TTC7B: variants seen among roughly 807,000 people sequenced by gnomAD.
TTC7B encodes the protein tetratricopeptide repeat domain 7B.
TTC7B carries 28 observed loss-of-function variants against 106.8 expected under a neutral mutation model. The observed-to-expected ratio is 0.26, with a 90% CI of 0.19 to 0.36. The LOEUF (loss-of-function observed/expected upper bound fraction) is 0.36, where lower values mean the gene tolerates loss of function less well. TTC7B is among the 10% of genes least tolerant of loss of function. The pLI is 1.00. For missense variants in TTC7B, 862 were observed against 1,076.4 expected (o/e 0.80, Z 2.79); for synonymous variants, 405 against 430.6 (o/e 0.94, Z 0.74).
chr14:90,744,689 C>T (rs1186996771), intron 4 of TTC7B, 103 bp downstream of exon 4: 1 of 1,231,644 alleles, frequency 8.1e-7, no homozygotes, highest in East Asian at 2.3e-5. Context: ...GCTTTGCACA[C>T]AGAGACAGAC....
intron 3 of TTC7B, among the ~76,000 whole-genome samples, chr14:90,771,802 G>GTGTGTGTGCACGTGTT (rs1566879861): frequency 6.6e-6 from 1 of 150,892 alleles, no homozygotes; most frequent in Non-Finnish European, 1.5e-5. Flanking sequence ...GTGCACGTGT[G>GTGTGTGTGCACGTGTT]TGTGTGTAAC....
rs193267639 is a variant in TTC7B at position 90,774,041 on chromosome 14, A to G, written c.445+6697T>C. Reference sequence around the variant, plus strand: ...ATTCAGAGGAGCCACTGCTGTGGACATCTGTCATGGACACTGGACACTGCC... The same window carrying G: ...ATTCAGAGGAGCCACTGCTGTGGACGTCTGTCATGGACACTGGACACTGCC... On this transcript the variant is annotated intron_variant, in intron 3 of 19. Coordinates refer to ENST00000328459, the MANE Select transcript of TTC7B (RefSeq NM_001010854.2). Among the ~76,000 whole-genome samples the G allele has an allele frequency of 9.9e-3, 1,515 of 152,336 alleles. 12 individuals carry two copies. Among genetic ancestry groups the G allele is most frequent in the Non-Finnish European group, 0.014 (919 of 68,030 alleles).
intron 19 of TTC7B, among the ~76,000 whole-genome samples, chr14:90,549,209 G>A (rs1303286796): frequency 1.3e-5 from 2 of 152,186 alleles, no homozygotes; most frequent in Non-Finnish European, 2.9e-5. Context: ...AACCTCACTG[G>A]TGGAGTGGGA....
At chr14:90,584,619 G>A (rs576430598) in intron 18 of TTC7B, among the ~76,000 whole-genome samples, 2 of 152,232 alleles carry the variant, frequency 1.3e-5, no homozygotes, top group East Asian at 3.9e-4. Context: ...AGTCTAGGCT[G>A]GAGGCAGCCC....
At chr14:90,627,872 C>T (rs749301945) in intron 15 of TTC7B, among the ~76,000 whole-genome samples, 5 of 152,204 alleles carry the variant, frequency 3.3e-5, no homozygotes, top group Non-Finnish European at 5.9e-5. Context: ...AGATTGGCAT[C>T]CAGGAGCCGG....
chr14:90,540,430 A>T lies in TTC7B; in HGVS notation c.*938T>A, dbSNP rs1177183863. The T allele has an allele frequency of 6.6e-6, 1 of 152,382 alleles. No individual in the cohort carries two copies. Among genetic ancestry groups the T allele is most frequent in the Non-Finnish European group, 1.5e-5 (1 of 68,106 alleles). 9.4% of individuals were successfully genotyped at this position (152,382 alleles called of 1,614,324 possible). On this transcript the variant is annotated 3_prime_UTR_variant, in exon 20 of 20. Coordinates refer to ENST00000328459, the MANE Select transcript of TTC7B (RefSeq NM_001010854.2). Reference sequence around the variant, plus strand: ...GAAACAGAGTGAGACCCTGTCTCCAAAAAATAAAAATAAAATAAGTGGGGA... The same window carrying T: ...GAAACAGAGTGAGACCCTGTCTCCATAAAATAAAAATAAAATAAGTGGGGA...
At chr14:90,707,943 G>A (rs1308895776) in intron 5 of TTC7B, among the ~76,000 whole-genome samples, 4 of 152,010 alleles carry the variant, frequency 2.6e-5, no homozygotes, top group South Asian at 2.1e-4. Flanking sequence ...TTAGGAGCTC[G>A]AGACCAGCCT....
At chr14:90,761,061 C>A (rs1463440002) in intron 3 of TTC7B, among the ~76,000 whole-genome samples, 1 of 152,222 alleles carries the variant, frequency 6.6e-6, no homozygotes, top group African/African-American at 2.4e-5. Flanking sequence ...CAACCCCTAT[C>A]TTGCCATTAA....
chr14:90,688,804 A>C (rs1887352382), intron 7 of TTC7B, among the ~76,000 whole-genome samples: 1 of 152,010 alleles, frequency 6.6e-6, no homozygotes, highest in Non-Finnish European at 1.5e-5. Context: ...ATCTCAAAAA[A>C]ATAAAAAATA....
At chr14:90,789,692 C>G (rs546428991) in intron 1 of TTC7B, among the ~76,000 whole-genome samples, 1 of 151,996 alleles carries the variant, frequency 6.6e-6, no homozygotes, top group Admixed American at 6.6e-5. Context: ...GTCAGGAGAT[C>G]AAGACCATCC....
intron 19 of TTC7B, among the ~76,000 whole-genome samples, chr14:90,554,982 T>C (rs1595154238): frequency 6.6e-6 from 1 of 151,388 alleles, no homozygotes; most frequent in Admixed American, 6.6e-5. Flanking sequence ...GCCTGGGAGG[T>C]TGTAGTGGTG....
chr14:90,704,543 TCCTATGACGCAAAACAAAGGCATC>T (rs1334944203), intron 5 of TTC7B, among the ~76,000 whole-genome samples: 2 of 152,090 alleles, frequency 1.3e-5, no homozygotes, highest in African/African-American at 4.8e-5. Context: ...TGTGACTACC[TCCTATGACGCAAAACAAAGGCATC>T]CCAGGGACAG....
At chr14:90,666,815 T>C (rs1437245491) in intron 9 of TTC7B, among the ~76,000 whole-genome samples, 2 of 151,904 alleles carry the variant, frequency 1.3e-5, no homozygotes, top group African/African-American at 2.4e-5. Context: ...AGGAGTAGAG[T>C]GGGTTGTTTT....
intron 3 of TTC7B, among the ~76,000 whole-genome samples, chr14:90,762,655 G>A (rs889674841): frequency 1.3e-5 from 2 of 152,134 alleles, no homozygotes; most frequent in Non-Finnish European, 2.9e-5. Flanking sequence ...CATGTATCGG[G>A]TTTGCTCTAT....
intron 18 of TTC7B, among the ~76,000 whole-genome samples, chr14:90,583,814 T>A (rs1366744856): frequency 2.0e-5 from 3 of 152,208 alleles, no homozygotes; most frequent in African/African-American, 4.8e-5. Context: ...TGGGTTACTA[T>A]GAAAAATGTG....
At chr14:90,603,067 C>T (rs549011749) in intron 17 of TTC7B, among the ~76,000 whole-genome samples, 7 of 152,286 alleles carry the variant, frequency 4.6e-5, no homozygotes, top group East Asian at 1.9e-4. Context: ...ACCCAAGCTG[C>T]GCTGAATGCA....
chr14:90,588,623 C>T (rs1891817942), intron 18 of TTC7B, among the ~76,000 whole-genome samples: 1 of 152,204 alleles, frequency 6.6e-6, no homozygotes, highest in African/African-American at 2.4e-5. Context: ...TGGGGCTCTC[C>T]TGACTTCTGC....
At chr14:90,810,576 A>G (rs1430853249) in intron 1 of TTC7B, among the ~76,000 whole-genome samples, 1 of 152,230 alleles carries the variant, frequency 6.6e-6, no homozygotes, top group Non-Finnish European at 1.5e-5. Flanking sequence ...TTAAAAGTGT[A>G]TTAGCCCTTC....
intron 17 of TTC7B, among the ~76,000 whole-genome samples, chr14:90,610,256 G>A (rs557256350): frequency 6.6e-6 from 1 of 152,364 alleles, no homozygotes; most frequent in Non-Finnish European, 1.5e-5. Flanking sequence ...ACACGACGAG[G>A]TGTGCAGATT....
Sources: gnomAD v4.1 joint callset for allele counts (sites outside exome capture counted in the v4.1 genomes callset) on GRCh38, gnomAD v4.1.1 for gene constraint, MANE v1.5 for transcripts, NCBI Gene and HGNC (gene_info 2026-07-23, HGNC 2026-07-21) for gene names.